Variants in PAWR observed in about 807,000 individuals in gnomAD.
PAWR encodes the protein pro-apoptotic WT1 regulator, also known as PRKC apoptosis WT1 regulator protein.
A neutral mutation model predicts 32.0 loss-of-function variants in PAWR; 23 were observed. The observed-to-expected ratio is 0.72, with a 90% CI of 0.52 to 1.02. The LOEUF (loss-of-function observed/expected upper bound fraction) is 1.02. Among genes scored for constraint, PAWR ranks in the 50% least tolerant of loss-of-function variants. The pLI is 0.00. For missense variants in PAWR, 457 were observed against 437.7 expected (o/e 1.04, Z -0.39); for synonymous variants, 226 against 187.1 (o/e 1.21, Z -1.70).
In PAWR at chr12:79,617,028, T is replaced by C. The variant is rs1874771506; in HGVS notation, c.649-3419A>G. ...TTTGAATATGGTCTTTTATTAGAGA[T>C]TATACATTTTGAAGCTGAATGTTAT... On this transcript the variant is annotated intron_variant, in intron 3 of 6. Transcript: ENST00000328827. Among the ~76,000 whole-genome samples, 3 of 152,184 alleles carry C rather than the reference T, an allele frequency of 2.0e-5. No individual in the cohort carries two copies. The South Asian group carries it at 6.2e-4, about 32-fold the overall frequency.
intron 2 of PAWR, among the ~76,000 whole-genome samples, chr12:79,633,330 C>A (rs2136752111): frequency 6.6e-6 from 1 of 151,876 alleles, no homozygotes; most frequent in South Asian, 2.1e-4. Flanking sequence ...TAAAAATGAC[C>A]AAAAATGTGA....
chr12:79,655,119 T>A (rs1877034598), intron 2 of PAWR, among the ~76,000 whole-genome samples: 1 of 152,236 alleles, frequency 6.6e-6, no homozygotes, highest in Non-Finnish European at 1.5e-5. Context: ...TTTAGTTTTC[T>A]AATGCATTGC....
intron 2 of PAWR, among the ~76,000 whole-genome samples, chr12:79,634,651 A>C (rs1040125144): frequency 8.0e-6 from 1 of 124,530 alleles, no homozygotes; most frequent in Non-Finnish European, 1.5e-5. Context: ...TGCAACCCAG[A>C]ATTTTTAAGA....
intron 2 of PAWR, among the ~76,000 whole-genome samples, chr12:79,679,908 G>A (rs1012248892): frequency 4.6e-5 from 7 of 151,894 alleles, no homozygotes; most frequent in Admixed American, 3.9e-4. Flanking sequence ...ATCATTATTA[G>A]TATACTCTTA....
Position 79,632,336 on chromosome 12 carries a change from T to TAC in PAWR, c.517-11130_517-11129insGT, listed in dbSNP as rs1566010990. 2.8e-4 allele frequency among the ~76,000 whole-genome samples: 16 copies of TAC among 57,526 alleles called. 1 individual carries two copies. The highest frequency in any genetic ancestry group is 4.3e-4 in the African/African-American group (2 of 4,656). 37.7% of individuals were successfully genotyped at this position (57,526 alleles called of 152,430 possible). On this transcript the variant is annotated intron_variant, in intron 2 of 6. Coordinates refer to ENST00000328827, the MANE Select transcript of PAWR (RefSeq NM_002583.4). Reference sequence around the variant, plus strand: ...ACATATATATATATATATATATATATATATATATATATATATATATATATA... The same window carrying TAC: ...ACATATATATATATATATATATATATACATATATATATATATATATATATATA...
intron 5 of PAWR, among the ~76,000 whole-genome samples, chr12:79,594,773 G>A (rs1555233322): frequency 6.6e-6 from 1 of 152,096 alleles, no homozygotes; most frequent in Non-Finnish European, 1.5e-5. Flanking sequence ...AGGCTGGAGT[G>A]CAATGGCACC....
At chr12:79,685,857 A>T (rs1474286535) in intron 2 of PAWR, among the ~76,000 whole-genome samples, 2 of 152,210 alleles carry the variant, frequency 1.3e-5, no homozygotes, top group South Asian at 2.1e-4. Flanking sequence ...GTTAATTTTT[A>T]AAAACTCCCC....
At chr12:79,632,348 TATATA>T (rs1875732738) in intron 2 of PAWR, among the ~76,000 whole-genome samples, 1 of 67,362 alleles carries the variant, frequency 1.5e-5, no homozygotes. Context: ...TATATATATA[TATATA>T]TATATATATT....
At chr12:79,595,124 A>G (rs1330173829) in intron 5 of PAWR, among the ~76,000 whole-genome samples, 1 of 152,234 alleles carries the variant, frequency 6.6e-6, no homozygotes, top group Non-Finnish European at 1.5e-5. Context: ...TTAAAAATAC[A>G]AAGTTTAAAG....
rs536643357 is a variant in PAWR, at chr12:79,686,585, A to AT, written c.516+3143dup. On this transcript the variant is annotated intron_variant, in intron 2 of 6. Transcript: ENST00000328827. ...CGGAATTGAATTAGCATGAGCAAAC[A>AT]TTTTTTTAAAGATCCTAACATGCTA... 3.2e-4 allele frequency among the ~76,000 whole-genome samples: 48 copies of AT among 152,256 alleles called. No homozygotes were observed. In the East Asian group the frequency reaches 7.9e-3, roughly 25 times the overall value.
At chr12:79,668,420 G>C (rs545423700) in intron 2 of PAWR, 2 of 152,140 alleles carry the variant, frequency 1.3e-5, no homozygotes, top group African/African-American at 4.8e-5. Flanking sequence ...TAAAATATTA[G>C]AAACAAAAAC....
rs1566011011 is a variant in PAWR, at chr12:79,632,337, ATATATATATATATATATATATATATT to A, written c.517-11156_517-11131del. 5.6e-3 allele frequency among the ~76,000 whole-genome samples: 286 copies of A among 50,940 alleles called. 42 individuals are homozygous for A. In the African/African-American group the frequency reaches 0.1, roughly 18 times the overall value. The allele number at this position is 50,940 out of a possible 152,430, so 33.4% of individuals were successfully genotyped here. On this transcript the variant is annotated intron_variant, in intron 2 of 6. Coordinates refer to ENST00000328827, the MANE Select transcript of PAWR (RefSeq NM_002583.4). ...CATATATATATATATATATATATAT[ATATATATATATATATATATATATATT>A]TTTTTTTTTTTTTAGACAGGGTCTT...
chr12:79,682,057 CTTT>C (rs1878472779), intron 2 of PAWR, among the ~76,000 whole-genome samples: 2 of 152,134 alleles, frequency 1.3e-5, no homozygotes, highest in African/African-American at 2.4e-5. Context: ...TGAAAGATGT[CTTT>C]TTAAGTTAAT....
intron 2 of PAWR, among the ~76,000 whole-genome samples, chr12:79,677,671 G>A (rs1878235277): frequency 6.6e-6 from 1 of 152,230 alleles, no homozygotes. Flanking sequence ...GTTTGGAGAT[G>A]CCCTTGAGTT....
intron 2 of PAWR, among the ~76,000 whole-genome samples, chr12:79,641,993 T>C (rs1592525106): frequency 6.6e-6 from 1 of 151,526 alleles, no homozygotes; most frequent in Non-Finnish European, 1.5e-5. Flanking sequence ...ATGTAAAAAA[T>C]GTATTTCATT....
chr12:79,653,013 G>A (rs558034830), intron 2 of PAWR, among the ~76,000 whole-genome samples: 4 of 152,230 alleles, frequency 2.6e-5, no homozygotes. Flanking sequence ...CCAACTGTAA[G>A]AAATTCTGTT....
chr12:79,615,073 G>A (rs1253809068), intron 3 of PAWR, among the ~76,000 whole-genome samples: 1 of 152,152 alleles, frequency 6.6e-6, no homozygotes, highest in African/African-American at 2.4e-5. Context: ...AACACAAACA[G>A]AAAACTAACT....
intron 2 of PAWR, among the ~76,000 whole-genome samples, chr12:79,679,597 TAAG>T (rs1878339482): frequency 6.6e-6 from 1 of 152,154 alleles, no homozygotes. Context: ...GCTGAGTATT[TAAG>T]TAAGAGGTAA....
intron 2 of PAWR, among the ~76,000 whole-genome samples, chr12:79,663,651 T>G (rs1339732600): frequency 6.6e-6 from 1 of 151,986 alleles, no homozygotes; most frequent in Non-Finnish European, 1.5e-5. Flanking sequence ...TCCCAGCTAC[T>G]TGGGAGGCTG....
Sources: allele counts gnomAD v4.1 joint callset (sites outside exome capture counted in the v4.1 genomes callset), GRCh38; gene constraint gnomAD v4.1.1; transcripts MANE v1.5; gene names NCBI Gene and HGNC (gene_info 2026-07-23, HGNC 2026-07-21).